Variants in XPO4 observed in about 807,000 individuals in gnomAD.
XPO4 encodes exportin-4.
Under a neutral mutation model 143.0 loss-of-function variants are expected in XPO4, and 39 were observed. That is an observed-to-expected ratio of 0.27 (90% CI 0.21 to 0.36). The LOEUF is 0.36. XPO4 is among the 10% of genes least tolerant of loss of function. The pLI, the probability that XPO4 is intolerant of heterozygous loss-of-function variation, is 1.00. For synonymous variants in XPO4, 439 were observed against 474.0 expected (o/e 0.93, Z 0.96); for missense variants, 907 against 1,348.0 (o/e 0.67, Z 5.12).
intron 1 of XPO4, among the ~76,000 whole-genome samples, chr13:20,901,303 A>G (rs573113565): frequency 1.3e-5 from 2 of 152,348 alleles, no homozygotes; most frequent in South Asian, 2.1e-4. Context: ...ATACTAGTTT[A>G]TATTAAGCCA....
chr13:20,833,528 G>A (rs2059878087), intron 6 of XPO4, among the ~76,000 whole-genome samples: 1 of 151,918 alleles, frequency 6.6e-6, no homozygotes, highest in African/African-American at 2.4e-5. Context: ...TTGTTGCACT[G>A]TTTTTAAAAT....
At chr13:20,889,093 G>A (rs1293220128) in intron 1 of XPO4, among the ~76,000 whole-genome samples, 9 of 152,000 alleles carry the variant, frequency 5.9e-5, no homozygotes, top group Non-Finnish European at 8.8e-5. Flanking sequence ...GATTACAGGC[G>A]TGAGCCACTG....
chr13:20,864,823 G>C (rs1200466390), intron 2 of XPO4, among the ~76,000 whole-genome samples: 1 of 150,530 alleles, frequency 6.6e-6, no homozygotes, highest in Non-Finnish European at 1.5e-5. Context: ...ATTAAATGAT[G>C]ATCTCTAAAT....
rs182398384 is a variant in XPO4, at chr13:20,878,413, A to G, written c.70-9712T>C. Reference sequence around the variant, plus strand: ...AGATGTTCCTACAACATTATAATAGAAAAAAAAAGAAGAAGTAACAATTTA... The same window carrying G: ...AGATGTTCCTACAACATTATAATAGGAAAAAAAAGAAGAAGTAACAATTTA... On this transcript the variant is annotated intron_variant, in intron 1 of 22. Coordinates refer to ENST00000255305, the MANE Select transcript of XPO4 (RefSeq NM_022459.5). Among the ~76,000 whole-genome samples the G allele has an allele frequency of 5.4e-3, 818 of 150,744 alleles. 2 individuals carry two copies. The highest frequency in any genetic ancestry group is 9.1e-3 in the Admixed American group (138 of 15,178).
rs1414581213 is a variant in XPO4, at chr13:20,799,196, T to G, written c.2291A>C (p.Asp764Ala). The G allele has an allele frequency of 1.2e-6, 2 of 1,611,766 alleles. No individual in the cohort carries two copies. The highest frequency in any genetic ancestry group is 2.2e-5 in the East Asian group (1 of 44,826). Residue 764 changes from aspartate to alanine, a missense_variant, in exon 16 of 23, where the codon GAC (aspartate) becomes GCC (alanine). Transcript: ENST00000255305. Reference sequence around the variant, plus strand: ...CCAATACTGCTGTTTGGTTTCTGTGTCCATATGTGCAAAACCTCCTAAGAC... The same window carrying G: ...CCAATACTGCTGTTTGGTTTCTGTGGCCATATGTGCAAAACCTCCTAAGAC... ...ALVLGGFAHM[D>A]TETKQQYWTE...
In XPO4 at chr13:20,802,302, C is replaced by G. The variant is rs191883629; in HGVS notation, c.1818-1312G>C. 3.3e-3 allele frequency among the ~76,000 whole-genome samples: 501 copies of G among 152,274 alleles called. 4 individuals are homozygous for G. The highest frequency in any genetic ancestry group is 0.012 in the African/African-American group (482 of 41,546). The stretch of plus-strand genomic sequence containing the variant: ...TGAACTCCTGAGCTCAAGCAATCCT[C>G]CCACCTTGGCCTCCCCAAGTGTTGG... On this transcript the variant is annotated intron_variant, in intron 13 of 22. Transcript: ENST00000255305.
chr13:20,783,498 CTAAAAGACATA>C lies in XPO4; in HGVS notation c.*213_*223del. ...AAAATTTTAAATCACCATTCAGAAT[CTAAAAGACATA>C]TATATGACAGATTGTGGCTAACACT... On this transcript the variant is annotated 3_prime_UTR_variant, in exon 23 of 23. Coordinates refer to ENST00000255305, the MANE Select transcript of XPO4 (RefSeq NM_022459.5). The C allele has an allele frequency of 1.8e-6, 1 of 554,772 alleles. No individual in the cohort carries two copies. Among genetic ancestry groups the C allele is most frequent in the South Asian group, 2.5e-5 (1 of 40,294 alleles). The allele number at this position is 554,772 out of a possible 1,614,324, so 34.4% of individuals were successfully genotyped here. A position where few individuals can be genotyped will look rare whatever the true frequency, so the allele number is the denominator to read the frequency against.
intron 1 of XPO4, among the ~76,000 whole-genome samples, chr13:20,891,116 T>A (rs562618857): frequency 6.2e-5 from 6 of 96,550 alleles, no homozygotes; most frequent in Non-Finnish European, 1.1e-4. Context: ...AAACTCCATC[T>A]CAATTTAAAA....
At chr13:20,804,737 C>G (rs1185980829) in intron 13 of XPO4, among the ~76,000 whole-genome samples, 2 of 152,186 alleles carry the variant, frequency 1.3e-5, no homozygotes, top group African/African-American at 4.8e-5. Context: ...ATATTTCAAA[C>G]AGCACTCAGT....
intron 22 of XPO4, among the ~76,000 whole-genome samples, chr13:20,784,315 C>T (rs1359687616): frequency 6.6e-6 from 1 of 152,152 alleles, no homozygotes; most frequent in Admixed American, 6.5e-5. Context: ...TCTAAGTCTG[C>T]AATAGTTCCC....
intron 1 of XPO4, among the ~76,000 whole-genome samples, chr13:20,871,012 T>A (rs1203125448): frequency 6.6e-6 from 1 of 152,116 alleles, no homozygotes; most frequent in Non-Finnish European, 1.5e-5. Context: ...CTCACTATGC[T>A]GCCCAGGCTG....
intron 13 of XPO4, among the ~76,000 whole-genome samples, chr13:20,804,574 C>T (rs1055219115): frequency 6.6e-6 from 1 of 152,138 alleles, no homozygotes; most frequent in Non-Finnish European, 1.5e-5. Flanking sequence ...TCCTATAACA[C>T]CCTTACACAC....
At chr13:20,854,820 G>A (rs921914677) in intron 4 of XPO4, among the ~76,000 whole-genome samples, 2 of 152,182 alleles carry the variant, frequency 1.3e-5, no homozygotes, top group African/African-American at 2.4e-5. Flanking sequence ...GGAGAACCAT[G>A]CTTCCCAAAC....
intron 1 of XPO4, chr13:20,879,368 T>C (rs1334812491): frequency 2.1e-6 from 2 of 949,132 alleles, no homozygotes; most frequent in Non-Finnish European, 2.5e-6. Context: ...TAACAATAGA[T>C]GGAAGAGCGT....
At position 20,783,974 on chromosome 13, in the gene XPO4, G is replaced by A. The variant is rs74036440; in HGVS notation, c.3259-55C>T. The stretch of plus-strand genomic sequence containing the variant: ...TCCTCCTTAGAATATCATACAAGTA[G>A]ATCTTATCAGTTACTGGACTGTGGG... On this transcript the variant is annotated intron_variant, in intron 22 of 22. Transcript: ENST00000255305. 11,048 of 1,551,950 alleles carry A rather than the reference G, an allele frequency of 7.1e-3. 241 individuals carry two copies. The highest frequency in any genetic ancestry group is 0.059 in the African/African-American group (4,327 of 73,964).
At chr13:20,873,638 C>T (rs1007681902) in intron 1 of XPO4, among the ~76,000 whole-genome samples, 8 of 152,030 alleles carry the variant, frequency 5.3e-5, no homozygotes, top group Admixed American at 4.6e-4. Context: ...TCCCACAGCA[C>T]CTTTCTTTTT....
At chr13:20,788,292 G>A (rs1421239300) in intron 20 of XPO4, among the ~76,000 whole-genome samples, 194 bp downstream of exon 20, 2 of 152,028 alleles carry the variant, frequency 1.3e-5, no homozygotes, top group Non-Finnish European at 2.9e-5. Context: ...CCTGACCTCA[G>A]GTGATCCACC....
At chr13:20,812,077 A>G (rs986619695) in intron 9 of XPO4, among the ~76,000 whole-genome samples, 4 of 152,220 alleles carry the variant, frequency 2.6e-5, no homozygotes, top group African/African-American at 7.2e-5. Flanking sequence ...ATGTTGATTA[A>G]GAATAAGGAG....
chr13:20,897,461 C>G (rs36105203), intron 1 of XPO4, among the ~76,000 whole-genome samples: 8,722 of 152,162 alleles, frequency 0.057, 634 homozygotes, highest in African/African-American at 0.17. Flanking sequence ...CCAAGAAGCC[C>G]TTTCTCAGTC....
Sources: allele counts gnomAD v4.1 joint callset (sites outside exome capture counted in the v4.1 genomes callset), GRCh38; gene constraint gnomAD v4.1.1; transcripts MANE v1.5; gene names NCBI Gene and HGNC (gene_info 2026-07-23, HGNC 2026-07-21).